The following PCDH15 variants were observed in gnomAD, a reference collection of about 807,000 sequenced individuals.
PCDH15 encodes protocadherin-15.
In PCDH15, 129 loss-of-function variants were observed where a neutral mutation model predicts 178.5. That is an observed-to-expected ratio of 0.72 (90% CI 0.63 to 0.84). The LOEUF (loss-of-function observed/expected upper bound fraction) is 0.84, where lower values mean the gene tolerates loss of function less well. Among genes scored for constraint, PCDH15 ranks in the 40% least tolerant of loss-of-function variants. The probability of loss-of-function intolerance (pLI) is 0.00; values close to 1 mark genes in which losing one functional copy is unlikely to be tolerated. For synonymous variants in PCDH15, 800 were observed against 732.0 expected, an observed-to-expected ratio of 1.09 and a Z score of -1.50; for missense variants, 2,230 against 2,099.9, an observed-to-expected ratio of 1.06 and a Z score of -1.21.
At chr10:55,587,415 G>A (rs915827654) in intron 2 of PCDH15, among the ~76,000 whole-genome samples, 3 of 83,378 alleles carry the variant, frequency 3.6e-5, no homozygotes, top group African/African-American at 2.2e-4. Context: ...AAGAAAAGTA[G>A]GCACTGGTAC....
intron 15 of PCDH15, among the ~76,000 whole-genome samples, chr10:54,127,565 T>C (rs2042087479): frequency 6.6e-6 from 1 of 152,210 alleles, no homozygotes; most frequent in Admixed American, 6.5e-5. Context: ...AAATATCCAA[T>C]TAAGAGTCTA....
intron 2 of PCDH15, among the ~76,000 whole-genome samples, chr10:55,464,259 T>A (rs993323461): frequency 6.6e-6 from 1 of 152,096 alleles, no homozygotes; most frequent in African/African-American, 2.4e-5. Flanking sequence ...ACAATGATGC[T>A]GAGAAACATC....
chr10:54,096,455 C>T (rs934383052), intron 15 of PCDH15, among the ~76,000 whole-genome samples: 6 of 152,090 alleles, frequency 3.9e-5, no homozygotes, highest in African/African-American at 1.4e-4. Context: ...CATTGTCAGT[C>T]TCTCTCTTTG....
chr10:55,352,263 T>A (rs1844957959), intron 2 of PCDH15, among the ~76,000 whole-genome samples: 1 of 152,206 alleles, frequency 6.6e-6, no homozygotes, highest in Non-Finnish European at 1.5e-5. Flanking sequence ...ATTTTATGTT[T>A]ATTTTAGACT....
intron 18 of PCDH15, among the ~76,000 whole-genome samples, chr10:54,059,951 T>C (rs1306680389): frequency 6.6e-6 from 1 of 152,226 alleles, no homozygotes; most frequent in Admixed American, 6.5e-5. Flanking sequence ...GTCTATCCAA[T>C]ATGCTTCTTT....
chr10:54,065,795 G>T (rs1047286250), intron 18 of PCDH15, among the ~76,000 whole-genome samples: 2 of 152,148 alleles, frequency 1.3e-5, no homozygotes, highest in Non-Finnish European at 2.9e-5. Context: ...CAAAATCTCA[G>T]GACATGGTGT....
chr10:54,360,198 T>C (rs1945776133), intron 5 of PCDH15, among the ~76,000 whole-genome samples: 1 of 152,080 alleles, frequency 6.6e-6, no homozygotes, highest in Non-Finnish European at 1.5e-5. Flanking sequence ...GAAAATGAGA[T>C]GCCAGACCGC....
chr10:55,429,879 A>G (rs1244559382), intron 2 of PCDH15, among the ~76,000 whole-genome samples: 1 of 152,172 alleles, frequency 6.6e-6, no homozygotes, highest in Non-Finnish European at 1.5e-5. Flanking sequence ...TTCTGTTTAC[A>G]TTTAATCTTT....
chr10:54,299,335 C>T (rs2060009004), intron 8 of PCDH15, among the ~76,000 whole-genome samples: 1 of 150,210 alleles, frequency 6.7e-6, no homozygotes, highest in African/African-American at 2.4e-5. Context: ...GAAAGACAGA[C>T]AAAGAAGAGA....
intron 1 of PCDH15, among the ~76,000 whole-genome samples, chr10:54,769,600 A>T (rs1166991770): frequency 6.6e-6 from 1 of 151,938 alleles, no homozygotes; most frequent in Non-Finnish European, 1.5e-5. Flanking sequence ...TTTACAGGAA[A>T]CATCATCACA....
At chr10:55,104,396 A>G (rs1415313310) in intron 2 of PCDH15, among the ~76,000 whole-genome samples, 1 of 152,120 alleles carries the variant, frequency 6.6e-6, no homozygotes, top group African/African-American at 2.4e-5. Flanking sequence ...CTTTGCCAGC[A>G]TTACTTTCTC....
intron 3 of PCDH15, among the ~76,000 whole-genome samples, chr10:54,382,438 C>G (rs1196351726): frequency 6.6e-6 from 1 of 152,074 alleles, no homozygotes; most frequent in Non-Finnish European, 1.5e-5. Context: ...ATAGCTAGCC[C>G]TTTCTTTTTA....
chr10:53,920,424 T>C (rs1318620747), intron 25 of PCDH15, among the ~76,000 whole-genome samples: 1 of 151,986 alleles, frequency 6.6e-6, no homozygotes, highest in Non-Finnish European at 1.5e-5. Flanking sequence ...TATATTAGGA[T>C]ATTACAATAT....
At chr10:54,340,557 A>T (rs1942041333) in intron 6 of PCDH15, among the ~76,000 whole-genome samples, 1 of 152,142 alleles carries the variant, frequency 6.6e-6, no homozygotes, top group Admixed American at 6.5e-5. Context: ...TTAGGGGAAG[A>T]AGTAAGTTTA....
intron 23 of PCDH15, among the ~76,000 whole-genome samples, chr10:53,941,386 G>A (rs1249634396): frequency 6.6e-6 from 1 of 152,014 alleles, no homozygotes; most frequent in Admixed American, 6.6e-5. Context: ...CTATGGTTTT[G>A]CCTTTTCCAG....
At chr10:54,403,990 T>C (rs987007670) in intron 3 of PCDH15, among the ~76,000 whole-genome samples, 1 of 151,848 alleles carries the variant, frequency 6.6e-6, no homozygotes, top group African/African-American at 2.4e-5. Flanking sequence ...TGGAAAACAT[T>C]CCATGCTAGT....
At chr10:54,655,537 TTC>T (rs1296484134) in intron 2 of PCDH15, 1 of 151,754 alleles carries the variant, frequency 6.6e-6, no homozygotes, top group East Asian at 1.9e-4. Flanking sequence ...ACCTTTTTTC[TTC>T]TCTCTCTTTT....
chr10:55,024,454 T>C (rs1022435084), intron 2 of PCDH15, among the ~76,000 whole-genome samples: 7 of 145,876 alleles, frequency 4.8e-5, no homozygotes, highest in African/African-American at 1.3e-4. Flanking sequence ...TATATATATA[T>C]ACACACACAT....
At chr10:54,398,093 T>C (rs559851454) in intron 3 of PCDH15, among the ~76,000 whole-genome samples, 2 of 152,064 alleles carry the variant, frequency 1.3e-5, no homozygotes, top group Admixed American at 1.3e-4. Flanking sequence ...ATGGTAAGGT[T>C]TTTAAAGTAA....
Sources: gnomAD v4.1 joint callset for allele counts (sites outside exome capture counted in the v4.1 genomes callset) on GRCh38, gnomAD v4.1.1 for gene constraint, MANE v1.5 for transcripts, NCBI Gene and HGNC (gene_info 2026-07-23, HGNC 2026-07-21) for gene names.